SRP54: variants seen among roughly 807,000 people sequenced by gnomAD.
The protein encoded by SRP54 is signal recognition particle 54.
Under a neutral mutation model 64.8 loss-of-function variants are expected in SRP54, and 10 were observed. The observed-to-expected ratio is 0.15, with a 90% CI of 0.10 to 0.26. The LOEUF is 0.26. Ranked by LOEUF, SRP54 falls within the 10% of genes least tolerant of loss-of-function variation. The pLI is 1.00. For synonymous variants in SRP54, 193 were observed against 185.6 expected (o/e 1.04, Z -0.32); for missense variants, 325 against 613.7 (o/e 0.53, Z 4.97).
intron 14 of SRP54, among the ~76,000 whole-genome samples, chr14:35,024,159 C>G (rs1441250062): frequency 6.6e-6 from 1 of 152,096 alleles, no homozygotes; most frequent in Non-Finnish European, 1.5e-5. Context: ...TCCCGAGTAA[C>G]TGGGATTAAA....
chr14:35,025,182 A>C (rs564372474), intron 14 of SRP54, among the ~76,000 whole-genome samples: 1 of 152,324 alleles, frequency 6.6e-6, no homozygotes, highest in East Asian at 1.9e-4. Context: ...TAATGTAAAC[A>C]ACTAATTCAG....
chr14:35,024,541 AT>A (rs2044589553), intron 14 of SRP54, among the ~76,000 whole-genome samples: 1 of 151,044 alleles, frequency 6.6e-6, no homozygotes, highest in African/African-American at 2.4e-5. Context: ...CCAGTTTTTC[AT>A]TTACCTTTTA....
rs548749916 is a variant in SRP54, at chr14:35,023,771, G to A, written c.1327+691G>A. ...TGTACTCCAGCCTGGGCAGCAGAGTGAGACTCCGGTCCCCAAACACACACA... is the reference window on the plus strand; with the variant it reads ...TGTACTCCAGCCTGGGCAGCAGAGTAAGACTCCGGTCCCCAAACACACACA... On this transcript the variant is annotated intron_variant, in intron 14 of 15. Coordinates refer to ENST00000216774, the MANE Select transcript of SRP54 (RefSeq NM_003136.4). Among the ~76,000 whole-genome samples, 5 of 145,382 alleles carry A rather than the reference G, an allele frequency of 3.4e-5. No individual in the cohort carries two copies. The South Asian group carries it at 1.1e-3, about 32-fold the overall frequency.
intron 1 of SRP54, among the ~76,000 whole-genome samples, chr14:34,986,940 A>G (rs2043904325): frequency 6.6e-6 from 1 of 151,990 alleles, no homozygotes; most frequent in Non-Finnish European, 1.5e-5. Context: ...ACAGTTTATT[A>G]AAATATAATT....
At chr14:34,993,871 T>A (rs2138969565) in intron 1 of SRP54, among the ~76,000 whole-genome samples, 1 of 152,164 alleles carries the variant, frequency 6.6e-6, no homozygotes, top group South Asian at 2.1e-4. Context: ...AATTTTGTAT[T>A]TTTAGTAGAG....
chr14:34,983,607 G>A (rs1380367721), intron 1 of SRP54, among the ~76,000 whole-genome samples: 1 of 152,122 alleles, frequency 6.6e-6, no homozygotes, highest in African/African-American at 2.4e-5. Flanking sequence ...TTCAATAAAC[G>A]AATATGGAAT....
intron 2 of SRP54, among the ~76,000 whole-genome samples, chr14:34,999,076 A>G (rs1360139208): frequency 3.0e-5 from 4 of 132,080 alleles, no homozygotes; most frequent in Non-Finnish European, 6.2e-5. Context: ...GTGCAGTGGC[A>G]CTATCTTGGC....
At chr14:34,993,524 G>A (rs1349670057) in intron 1 of SRP54, 2 of 152,018 alleles carry the variant, frequency 1.3e-5, no homozygotes, top group Admixed American at 1.3e-4. Flanking sequence ...GTACTTGAGT[G>A]AAAGTGTAGT....
chr14:35,009,811 T>C (rs969560122), intron 7 of SRP54, among the ~76,000 whole-genome samples: 2 of 152,034 alleles, frequency 1.3e-5, no homozygotes, highest in Admixed American at 1.3e-4. Flanking sequence ...GAGGATTGCT[T>C]GAGCCCAGAA....
At chr14:35,005,268 G>T (rs969731823) in intron 4 of SRP54, among the ~76,000 whole-genome samples, 8 of 152,132 alleles carry the variant, frequency 5.3e-5, no homozygotes, top group African/African-American at 1.9e-4. Flanking sequence ...AAGAGTTCGA[G>T]ACTGCAGTAA....
chr14:35,008,882 A>G, intron 7 of SRP54, 51 bp downstream of exon 7: 1 of 990,308 alleles, frequency 1.0e-6, no homozygotes, highest in Non-Finnish European at 1.4e-6. Context: ...CTTGTCTGTC[A>G]GCTTTTTTTT....
intron 14 of SRP54, among the ~76,000 whole-genome samples, chr14:35,026,185 T>C (rs1566657875): frequency 4.5e-5 from 3 of 66,470 alleles, no homozygotes; most frequent in Non-Finnish European, 6.9e-5. Context: ...TTTTTTTATT[T>C]ATTGTTGTTG....
chr14:35,026,112 C>A (rs2044617143), intron 14 of SRP54, among the ~76,000 whole-genome samples: 1 of 136,444 alleles, frequency 7.3e-6, no homozygotes, highest in Non-Finnish European at 1.6e-5. Context: ...TAGTGATGAT[C>A]TCTTGCTTTC....
intron 14 of SRP54, among the ~76,000 whole-genome samples, chr14:35,026,972 TAG>T (rs1410837206): frequency 6.6e-6 from 1 of 151,422 alleles, no homozygotes; most frequent in Non-Finnish European, 1.5e-5. Context: ...AAAAACTTCT[TAG>T]ATACATACAC....
At position 35,008,615 on chromosome 14, in the gene SRP54, T is replaced by G. The variant is rs1309609403; in HGVS notation, c.361-12T>G. On this transcript the variant is annotated splice_polypyrimidine_tract_variant and intron_variant, in intron 5 of 15. Transcript: ENST00000216774. ...TTTATGATATTATATTTTTAAATCT[T>G]TTCTCACCCAGCTAGCATATTATTA... 1.3e-6 allele frequency: 2 copies of G among 1,521,194 alleles called. No homozygotes were observed. Among genetic ancestry groups the G allele is most frequent in the Middle Eastern group, 2.2e-4 (1 of 4,628 alleles). 94.2% of individuals were successfully genotyped at this position (1,521,194 alleles called of 1,614,324 possible).
chr14:35,020,260 C>A (rs914564706), intron 13 of SRP54, among the ~76,000 whole-genome samples: 1 of 152,118 alleles, frequency 6.6e-6, no homozygotes, highest in Admixed American at 6.6e-5. Context: ...GCATTATAAT[C>A]TTTTTGCTGG....
chr14:35,029,468 C>A lies in SRP54; in HGVS notation c.*316C>A. 1 of 210,360 alleles carries A rather than the reference C, an allele frequency of 4.8e-6. No homozygotes were observed. The highest frequency in any genetic ancestry group is 9.5e-6 in the Non-Finnish European group (1 of 105,162). 13.0% of individuals were successfully genotyped at this position (210,360 alleles called of 1,614,324 possible). On this transcript the variant is annotated 3_prime_UTR_variant, in exon 16 of 16. Coordinates refer to ENST00000216774, the MANE Select transcript of SRP54 (RefSeq NM_003136.4). ...AGTACTTAAAGGTTTTTAATTATCT[C>A]GAAGGCCAAGCATTGCATTTGTAAA... is the stretch of plus-strand genomic sequence containing the variant.
At chr14:34,997,287 A>G (rs149577385) in intron 2 of SRP54, among the ~76,000 whole-genome samples, 325 of 152,238 alleles carry the variant, frequency 2.1e-3, no homozygotes, top group African/African-American at 7.6e-3. Flanking sequence ...CACTCCTTAG[A>G]TGATATTAAA....
chr14:34,986,615 C>T (rs553963506), intron 1 of SRP54, among the ~76,000 whole-genome samples: 162 of 152,278 alleles, frequency 1.1e-3, no homozygotes, highest in Non-Finnish European at 1.7e-3. Flanking sequence ...CGTGGTGGCT[C>T]ACGCCTGTAA....
Sources: gnomAD v4.1 joint callset for allele counts (sites outside exome capture counted in the v4.1 genomes callset) on GRCh38, gnomAD v4.1.1 for gene constraint, MANE v1.5 for transcripts, NCBI Gene and HGNC (gene_info 2026-07-23, HGNC 2026-07-21) for gene names.